MAPK9: variants seen among roughly 807,000 people sequenced by gnomAD.
MAPK9 encodes the protein mitogen-activated protein kinase 9, also known as Jun kinase.
MAPK9 carries 30 observed loss-of-function variants against 57.1 expected under a neutral mutation model. The ratio of observed to expected loss-of-function variants is 0.53; its 90% CI spans 0.39 to 0.71. MAPK9 has a LOEUF of 0.71. Ranked by LOEUF, MAPK9 falls within the 30% of genes least tolerant of loss-of-function variation. MAPK9 has a pLI of 0.00. For missense variants in MAPK9, 362 were observed against 521.0 expected (o/e 0.69, Z 2.97); for synonymous variants, 155 against 177.0 (o/e 0.88, Z 0.99).
At chr5:180,245,356 T>TCTGCC (rs1253077972) in intron 7 of MAPK9, among the ~76,000 whole-genome samples, 1 of 152,170 alleles carries the variant, frequency 6.6e-6, no homozygotes, top group African/African-American at 2.4e-5. Context: ...GTTCTCCTGC[T>TCTGCC]CTGCCCTGCC....
chr5:180,286,325 T>A (rs1210877534), intron 1 of MAPK9, among the ~76,000 whole-genome samples: 11 of 150,078 alleles, frequency 7.3e-5, no homozygotes, highest in Non-Finnish European at 1.6e-4. Flanking sequence ...TTTGTATTTT[T>A]AGTAGAGATG....
intron 2 of MAPK9, among the ~76,000 whole-genome samples, chr5:180,276,424 T>C (rs1055391544): frequency 6.6e-6 from 1 of 152,210 alleles, no homozygotes; most frequent in African/African-American, 2.4e-5. Context: ...TTGAGATTTT[T>C]GAAGGAGAAA....
At chr5:180,241,294 A>G in intron 8 of MAPK9, 139 bp from the exon 9 acceptor site, 1 of 906,260 alleles carries the variant, frequency 1.1e-6, no homozygotes. Context: ...CAAGATGAAT[A>G]TAACCCAAAA....
chr5:180,258,456 T>A (rs1759528705), intron 5 of MAPK9: 1 of 152,816 alleles, frequency 6.5e-6, no homozygotes, highest in African/African-American at 2.4e-5. Context: ...ATAAAAGAAA[T>A]AATACTGGAG....
chr5:180,241,150 G>A lies in MAPK9; in HGVS notation c.877C>T (p.Gln293Ter). Residue 293 changes from glutamine (Q) to a stop codon, truncating the protein, a stop_gained, in exon 9 of 12, where the codon CAA (glutamine) becomes TAA (stop). Transcript: ENST00000452135. LOFTEE classifies it high-confidence loss of function. ...ATTTTTGATAACAGATCTCTGGCTT[G>A]ACTTGCTAGGGTGACAACAAATATT... ...ESERDKIKTS[Q>*]ARDLLSKMLV... 1 of 1,612,334 alleles carries A rather than the reference G, an allele frequency of 6.2e-7. No individual in the cohort carries two copies. Among genetic ancestry groups the A allele is most frequent in the Non-Finnish European group, 8.5e-7 (1 of 1,179,308 alleles).
At chr5:180,266,381 C>A (rs894094989) in intron 3 of MAPK9, among the ~76,000 whole-genome samples, 2 of 150,936 alleles carry the variant, frequency 1.3e-5, no homozygotes, top group African/African-American at 4.9e-5. Context: ...ATGGCGCAAT[C>A]TTGGCTTACT....
intron 5 of MAPK9, among the ~76,000 whole-genome samples, chr5:180,258,942 G>A (rs1208841995): frequency 6.6e-6 from 1 of 151,346 alleles, no homozygotes; most frequent in East Asian, 1.9e-4. Context: ...GCTGAGACAG[G>A]AGAACTGCTT....
rs1186419016 is a variant in MAPK9, at chr5:180,245,277, C to T, written c.688+2162G>A. Among the ~76,000 whole-genome samples the T allele has an allele frequency of 2.0e-5, 3 of 152,148 alleles. No individual in the cohort carries two copies. The East Asian group carries it at 5.8e-4, about 29-fold the overall frequency. On this transcript the variant is annotated intron_variant, in intron 7 of 11. Coordinates refer to ENST00000452135, the MANE Select transcript of MAPK9 (RefSeq NM_002752.5). Reference sequence around the variant, plus strand: ...TCAAAGCAGAGTACAAGCCCATCTCCCCGGCCACACCCCTACCCGCCTGCT... The same window carrying T: ...TCAAAGCAGAGTACAAGCCCATCTCTCCGGCCACACCCCTACCCGCCTGCT...
chr5:180,264,786 T>A lies in MAPK9; in HGVS notation c.306A>T (p.Gln102His). ...TGAATAAAAATGATACTTACACATC[T>A]TGAAATTCTTCTAGAGTTTTTTGTG... ...FTPQKTLEEF[Q>H]DVYLVMELMD... The change falls in exon 4 of 12, where the codon CAA becomes CAT. Residue 102 changes from glutamine to histidine, a missense_variant. Gln to His is a conservative substitution (Grantham distance 24, BLOSUM62 0). Around this residue, in one of 3 missense-constraint regions of MAPK9, gnomAD observed 127 missense variants for 231.7 expected, o/e 0.55. Coordinates refer to ENST00000452135, the MANE Select transcript of MAPK9 (RefSeq NM_002752.5). The A allele has an allele frequency of 6.4e-7, 1 of 1,569,156 alleles. No individual in the cohort carries two copies. The highest frequency in any genetic ancestry group is 8.6e-7 in the Non-Finnish European group (1 of 1,156,816).
At chr5:180,290,848 G>A (rs1045216063) in intron 1 of MAPK9, among the ~76,000 whole-genome samples, 2 of 152,238 alleles carry the variant, frequency 1.3e-5, no homozygotes, top group African/African-American at 2.4e-5. Flanking sequence ...TCTAAGCACT[G>A]GGGATAAAGC....
intron 11 of MAPK9, 131 bp downstream of exon 11, chr5:180,238,201 C>T (rs56333381): frequency 0.43 from 252,128 of 584,150 alleles, 56,992 homozygotes; most frequent in East Asian, 0.74. Flanking sequence ...ACCCAGGAGG[C>T]GGAGGTTGCA....
At chr5:180,265,399 T>C (rs1760428509) in intron 3 of MAPK9, among the ~76,000 whole-genome samples, 1 of 152,132 alleles carries the variant, frequency 6.6e-6, no homozygotes, top group South Asian at 2.1e-4. Flanking sequence ...AGAGACCTGG[T>C]GGGAGGTGAC....
intron 5 of MAPK9, among the ~76,000 whole-genome samples, chr5:180,255,918 T>C (rs1304123547): frequency 6.6e-6 from 1 of 152,210 alleles, no homozygotes; most frequent in Non-Finnish European, 1.5e-5. Context: ...GTATCTGTTT[T>C]TCATAAATAT....
rs139617577 is a variant in MAPK9 at position 180,259,083 on chromosome 5, T to C, written c.450+2601A>G. Among the ~76,000 whole-genome samples the C allele has an allele frequency of 1.6e-3, 247 of 151,886 alleles. 1 individual carries two copies. The highest frequency in any genetic ancestry group is 5.8e-3 in the African/African-American group (240 of 41,454). ...CACCTTCAGGCATTCCAGCTCCCTT[T>C]GAACACATGAAAAATCTCATACCAG... On this transcript the variant is annotated intron_variant, in intron 5 of 11. Coordinates refer to ENST00000452135, the MANE Select transcript of MAPK9 (RefSeq NM_002752.5).
Position 180,241,043 on chromosome 5 carries a change from G to T in MAPK9, c.984C>A (p.Ala328=), listed in dbSNP as rs529721305. The change falls in exon 9 of 12, where the codon GCC becomes GCA. Residue 328 remains alanine (A), a synonymous_variant. Coordinates refer to ENST00000452135, the MANE Select transcript of MAPK9 (RefSeq NM_002752.5). The part of the protein sequence containing the change: ...HPYITVWYDP[A]EAEAPPPQIY... ...AACAGATACTCACGGCTTCTGCTTCGGCGGGGTCATACCAAACAGTGATGT... is the reference window on the plus strand; with the variant it reads ...AACAGATACTCACGGCTTCTGCTTCTGCGGGGTCATACCAAACAGTGATGT... The T allele has an allele frequency of 6.2e-7, 1 of 1,611,700 alleles. No individual in the cohort carries two copies. Among genetic ancestry groups the T allele is most frequent in the East Asian group, 2.2e-5 (1 of 44,710 alleles).
rs778695147 is a variant in MAPK9 at position 180,235,597 on chromosome 5, CA to C, written c.*786del. 5 of 151,944 alleles carry C rather than the reference CA, an allele frequency of 3.3e-5. No individual in the cohort carries two copies. Among genetic ancestry groups the C allele is most frequent in the Non-Finnish European group, 7.4e-5 (5 of 67,994 alleles). 9.4% of individuals were successfully genotyped at this position (151,944 alleles called of 1,614,324 possible). ...TAAATTCATAAGAAGTCTAGAAGAC[CA>C]AGAAGAAAAGAGATAAGGTAGCTAG... On this transcript the variant is annotated 3_prime_UTR_variant, in exon 12 of 12. Coordinates refer to ENST00000452135, the MANE Select transcript of MAPK9 (RefSeq NM_002752.5).
intron 7 of MAPK9, among the ~76,000 whole-genome samples, chr5:180,243,709 G>C (rs746733055): frequency 3.3e-5 from 5 of 152,156 alleles, no homozygotes; most frequent in Non-Finnish European, 7.3e-5. Flanking sequence ...CAGGAAATGT[G>C]TTTCTGGCAT....
At chr5:180,282,852 G>A (rs778263599) in intron 1 of MAPK9, among the ~76,000 whole-genome samples, 9 of 152,190 alleles carry the variant, frequency 5.9e-5, no homozygotes, top group Admixed American at 2.0e-4. Context: ...AGGAGGCCCT[G>A]CACACCAAGG....
Position 180,241,217 on chromosome 5 carries a change from A to T in MAPK9, c.872-62T>A. ...TATGAAACAAACAGAATCATACAATAAAGAACTAAATATGACAACACAGAT... is the reference window on the plus strand; with the variant it reads ...TATGAAACAAACAGAATCATACAATTAAGAACTAAATATGACAACACAGAT... On this transcript the variant is annotated intron_variant, in intron 8 of 11. Coordinates refer to ENST00000452135, the MANE Select transcript of MAPK9 (RefSeq NM_002752.5). The T allele has an allele frequency of 2.1e-6, 3 of 1,460,956 alleles. 1 individual carries two copies. Among genetic ancestry groups the T allele is most frequent in the East Asian group, 4.6e-5 (2 of 43,402 alleles). The allele number at this position is 1,460,956 out of a possible 1,614,324, so 90.5% of individuals were successfully genotyped here. A position where few individuals can be genotyped will look rare whatever the true frequency, so the allele number is the denominator to read the frequency against.
Sources: gnomAD v4.1 joint callset for allele counts (sites outside exome capture counted in the v4.1 genomes callset) on GRCh38, gnomAD v4.1.1 for gene constraint, gnomAD v4.1.1 regional missense constraint, MANE v1.5 for transcripts, NCBI Gene and HGNC (gene_info 2026-07-23, HGNC 2026-07-21) for gene names.